Variants in NDUFAF2 observed in about 807,000 individuals in gnomAD.
The protein encoded by NDUFAF2 is NADH dehydrogenase [ubiquinone] 1 alpha subcomplex assembly factor 2.
NDUFAF2 carries 13 observed loss-of-function variants against 22.8 expected under a neutral mutation model. That is an observed-to-expected ratio of 0.57 (90% CI 0.37 to 0.91). The LOEUF is 0.91. Among genes scored for constraint, NDUFAF2 ranks in the 40% least tolerant of loss-of-function variants. The pLI is 0.01. For synonymous variants in NDUFAF2, 53 were observed against 64.2 expected, an observed-to-expected ratio of 0.83 and a Z score of 0.84; for missense variants, 162 against 195.2, an observed-to-expected ratio of 0.83 and a Z score of 1.01.
intron 3 of NDUFAF2, among the ~76,000 whole-genome samples, chr5:61,147,437 C>T (rs112551928): frequency 9.2e-4 from 78 of 84,672 alleles, no homozygotes; most frequent in Non-Finnish European, 1.3e-3. Context: ...TTTTTTCTTT[C>T]TTTTTTTTTT....
intron 3 of NDUFAF2, among the ~76,000 whole-genome samples, chr5:61,120,337 A>G (rs1752961086): frequency 1.3e-5 from 2 of 152,132 alleles, no homozygotes. Flanking sequence ...GTAGATGTTT[A>G]TTTATTAATT....
At chr5:61,056,571 A>G (rs1254242621) in intron 1 of NDUFAF2, among the ~76,000 whole-genome samples, 1 of 152,088 alleles carries the variant, frequency 6.6e-6, no homozygotes, top group Non-Finnish European at 1.5e-5. Context: ...TCATAGGAAG[A>G]GTTTAAACGA....
chr5:61,108,705 A>G (rs982470391), intron 3 of NDUFAF2, among the ~76,000 whole-genome samples: 6 of 152,118 alleles, frequency 3.9e-5, no homozygotes, highest in Non-Finnish European at 7.4e-5. Context: ...AGCACCATTT[A>G]TTGAAGAGAC....
chr5:61,020,993 CTT>C (rs35877702), intron 1 of NDUFAF2, among the ~76,000 whole-genome samples: 158 of 116,588 alleles, frequency 1.4e-3, no homozygotes, highest in African/African-American at 4.0e-3. Flanking sequence ...TGCGTCCAGC[CTT>C]TTTTTTTTTT....
chr5:61,040,433 C>T (rs1751866286), intron 1 of NDUFAF2, among the ~76,000 whole-genome samples: 2 of 152,130 alleles, frequency 1.3e-5, no homozygotes, highest in African/African-American at 4.8e-5. Flanking sequence ...TCATTTCAGA[C>T]TTTAGCCTCC....
At chr5:61,152,565 A>AT in intron 3 of NDUFAF2, 139 bp from the exon 4 acceptor site, 1 of 561,532 alleles carries the variant, frequency 1.8e-6, no homozygotes, top group Non-Finnish European at 2.8e-6. Context: ...TTATATACAT[A>AT]TCTGTATATT....
At chr5:61,147,437 C>CTTTTTTTTTTTTTTT (rs1240336890) in intron 3 of NDUFAF2, among the ~76,000 whole-genome samples, 3,746 of 84,290 alleles carry the variant, frequency 0.044, 552 homozygotes, top group South Asian at 0.069. Flanking sequence ...TTTTTTCTTT[C>CTTTTTTTTTTTTTTT]TTTTTTTTTT....
At chr5:61,055,713 G>A (rs1017655700) in intron 1 of NDUFAF2, among the ~76,000 whole-genome samples, 1 of 152,080 alleles carries the variant, frequency 6.6e-6, no homozygotes, top group African/African-American at 2.4e-5. Flanking sequence ...TGAAAAGGAG[G>A]CAGAAATAAA....
At chr5:61,008,907 G>A (rs1751407639) in intron 1 of NDUFAF2, among the ~76,000 whole-genome samples, 1 of 151,984 alleles carries the variant, frequency 6.6e-6, no homozygotes, top group African/African-American at 2.4e-5. Flanking sequence ...CGCCTTCCTT[G>A]TCTGTCTTAT....
chr5:60,961,675 A>T (rs1166494698), intron 1 of NDUFAF2, among the ~76,000 whole-genome samples: 1 of 150,332 alleles, frequency 6.7e-6, no homozygotes, highest in African/African-American at 2.5e-5. Context: ...CTGAGACAGG[A>T]GAATCGCTTG....
chr5:61,088,295 A>G (rs750029932), intron 2 of NDUFAF2, among the ~76,000 whole-genome samples: 28 of 152,176 alleles, frequency 1.8e-4, no homozygotes, highest in Non-Finnish European at 2.2e-4. Flanking sequence ...CATATATCCC[A>G]TCACCTTTGC....
chr5:61,050,691 T>C (rs1483703345), intron 1 of NDUFAF2, among the ~76,000 whole-genome samples: 3 of 152,228 alleles, frequency 2.0e-5, no homozygotes, highest in African/African-American at 7.2e-5. Flanking sequence ...ATTTATTTCC[T>C]TAATTTTCTA....
At chr5:61,035,166 A>C (rs776197938) in intron 1 of NDUFAF2, among the ~76,000 whole-genome samples, 17 of 151,556 alleles carry the variant, frequency 1.1e-4, no homozygotes, top group Non-Finnish European at 1.9e-4. Context: ...CCCCGGGCTC[A>C]AGCGATTCTT....
intron 1 of NDUFAF2, among the ~76,000 whole-genome samples, chr5:61,057,112 C>A (rs1029026182): frequency 2.6e-5 from 4 of 151,460 alleles, no homozygotes; most frequent in African/African-American, 9.7e-5. Flanking sequence ...TGAAGGCCTG[C>A]TTGCTTGATG....
chr5:61,006,019 A>C (rs1001012346), intron 1 of NDUFAF2, among the ~76,000 whole-genome samples: 1 of 152,024 alleles, frequency 6.6e-6, no homozygotes, highest in African/African-American at 2.4e-5. Flanking sequence ...CCTTGCCCAT[A>C]CCTATGTCCT....
At chr5:61,081,251 T>G (rs1366908598) in intron 2 of NDUFAF2, among the ~76,000 whole-genome samples, 1 of 152,160 alleles carries the variant, frequency 6.6e-6, no homozygotes, top group African/African-American at 2.4e-5. Context: ...ATAAATCATT[T>G]TGAGTCTGCC....
At chr5:61,131,294 C>A (rs1344833281) in intron 3 of NDUFAF2, among the ~76,000 whole-genome samples, 1 of 151,506 alleles carries the variant, frequency 6.6e-6, no homozygotes, top group Non-Finnish European at 1.5e-5. Flanking sequence ...CTCCTAGGCT[C>A]AAGCAATTCA....
At chr5:60,952,512 A>G (rs1376843804) in intron 1 of NDUFAF2, among the ~76,000 whole-genome samples, 1 of 151,968 alleles carries the variant, frequency 6.6e-6, no homozygotes, top group African/African-American at 2.4e-5. Flanking sequence ...ATTTTCATTG[A>G]CTTCTAGTTT....
intron 1 of NDUFAF2, among the ~76,000 whole-genome samples, chr5:61,034,362 T>C (rs911254093): frequency 6.6e-6 from 1 of 152,198 alleles, no homozygotes; most frequent in African/African-American, 2.4e-5. Context: ...CAAATGCACC[T>C]AGGCTATAGG....
Sources: allele counts gnomAD v4.1 joint callset (sites outside exome capture counted in the v4.1 genomes callset), GRCh38; gene constraint gnomAD v4.1.1; transcripts MANE v1.5; gene names NCBI Gene and HGNC (gene_info 2026-07-23, HGNC 2026-07-21).